The following ITGB8 variants were observed in gnomAD, a reference collection of about 807,000 sequenced individuals.
ITGB8 encodes the protein integrin subunit beta 8.
A neutral mutation model predicts 89.5 loss-of-function variants in ITGB8; 30 were observed. The observed-to-expected ratio is 0.34, with a 90% CI of 0.25 to 0.45. The LOEUF is 0.45. Among genes scored for constraint, ITGB8 ranks in the 20% least tolerant of loss-of-function variants. The probability of loss-of-function intolerance (pLI) is 1.00; values close to 1 mark genes in which losing one functional copy is unlikely to be tolerated. For missense variants in ITGB8, 836 were observed against 933.3 expected (o/e 0.90, Z 1.36); for synonymous variants, 335 against 320.4 (o/e 1.05, Z -0.49).
intron 1 of ITGB8, among the ~76,000 whole-genome samples, chr7:20,338,419 G>C (rs1034078199): frequency 6.6e-6 from 1 of 152,074 alleles, no homozygotes; most frequent in African/African-American, 2.4e-5. Flanking sequence ...TTGATGTCAG[G>C]AGTTCGAGAC....
chr7:20,351,152 T>C (rs1487964636), intron 1 of ITGB8, among the ~76,000 whole-genome samples: 1 of 152,260 alleles, frequency 6.6e-6, no homozygotes, highest in Admixed American at 6.5e-5. Context: ...AATGACATAC[T>C]ACTTGTATTA....
Position 20,412,086 on chromosome 7 carries a change from T to A in ITGB8, c.*2089T>A, listed in dbSNP as rs905529728. Reference sequence around the variant, plus strand: ...GCACTTGAGTTAAAGTACTAGATACTGCATTTTGATGAAGACTAACCCCAT... The same window carrying A: ...GCACTTGAGTTAAAGTACTAGATACAGCATTTTGATGAAGACTAACCCCAT... On this transcript the variant is annotated 3_prime_UTR_variant, in exon 14 of 14. Transcript: ENST00000222573. The A allele has an allele frequency of 6.6e-6, 1 of 152,624 alleles. No individual in the cohort carries two copies. Among genetic ancestry groups the A allele is most frequent in the African/African-American group, 2.4e-5 (1 of 41,444 alleles). The allele number at this position is 152,624 out of a possible 1,614,324, so 9.5% of individuals were successfully genotyped here. A position where few individuals can be genotyped will look rare whatever the true frequency, so the allele number is the denominator to read the frequency against.
intron 1 of ITGB8, among the ~76,000 whole-genome samples, chr7:20,338,737 T>C (rs1373811620): frequency 1.3e-5 from 2 of 152,194 alleles, no homozygotes. Context: ...CTACCTCATG[T>C]CAAAGTGTTT....
At position 20,394,924 on chromosome 7, in the gene ITGB8, T is replaced by C. The variant is rs770376138; in HGVS notation, c.1085T>C (p.Ile362Thr). 8 of 1,613,248 alleles carry C rather than the reference T, an allele frequency of 5.0e-6. No homozygotes were observed. Among genetic ancestry groups the C allele is most frequent in the East Asian group, 2.2e-5 (1 of 44,878 alleles). Residue 362 changes from isoleucine (I) to threonine (T), a missense_variant, in exon 8 of 14, where the codon ATT (isoleucine) becomes ACT (threonine). Coordinates refer to ENST00000222573, the MANE Select transcript of ITGB8 (RefSeq NM_002214.3). ...KDLLPLLPGT[I>T]AGEIESKAAN... ...CTTCTACCCCTCTTGCCAGGCACCA[T>C]TGCTGGTGAAATAGAATCAAAGGCT... is the stretch of plus-strand genomic sequence containing the variant.
At chr7:20,374,092 T>G (rs1786038564) in intron 3 of ITGB8, among the ~76,000 whole-genome samples, 1 of 152,162 alleles carries the variant, frequency 6.6e-6, no homozygotes, top group African/African-American at 2.4e-5. Context: ...TCAAAAGGCA[T>G]GAGGATAAAG....
intron 8 of ITGB8, among the ~76,000 whole-genome samples, chr7:20,398,580 C>T (rs1037296748): frequency 6.6e-6 from 1 of 152,028 alleles, no homozygotes. Flanking sequence ...TGTTAACAGA[C>T]TGATAAATAT....
Position 20,411,810 on chromosome 7 carries a change from T to C in ITGB8, c.*1813T>C, listed in dbSNP as rs868132409. 1 of 152,200 alleles carries C rather than the reference T, an allele frequency of 6.6e-6. No individual in the cohort carries two copies. Among genetic ancestry groups the C allele is most frequent in the Non-Finnish European group, 1.5e-5 (1 of 68,018 alleles). The allele number at this position is 152,200 out of a possible 1,614,324, so 9.4% of individuals were successfully genotyped here. ...CCTACAGGGGAATTCCTTCGCACCATAGCCTGTATGAACAGTGTTCCCTGG... is the reference window on the plus strand; with the variant it reads ...CCTACAGGGGAATTCCTTCGCACCACAGCCTGTATGAACAGTGTTCCCTGG... On this transcript the variant is annotated 3_prime_UTR_variant, in exon 14 of 14. Coordinates refer to ENST00000222573, the MANE Select transcript of ITGB8 (RefSeq NM_002214.3).
intron 1 of ITGB8, among the ~76,000 whole-genome samples, chr7:20,333,978 T>C (rs768079508): frequency 1.3e-5 from 2 of 152,166 alleles, no homozygotes; most frequent in South Asian, 2.1e-4. Flanking sequence ...AATGGAAATC[T>C]TGTTTCCTTG....
chr7:20,397,231 T>C (rs1403404542), intron 8 of ITGB8, among the ~76,000 whole-genome samples: 4 of 146,050 alleles, frequency 2.7e-5, no homozygotes, highest in Non-Finnish European at 6.1e-5. Context: ...TTTCTTTCTT[T>C]TTTTTTTTTT....
At position 20,391,478 on chromosome 7, in the gene ITGB8, A is replaced by C. The variant is rs1786853667; in HGVS notation, c.1036A>C (p.Lys346Gln). The C allele has an allele frequency of 6.3e-7, 1 of 1,587,954 alleles. No homozygotes were observed. Among genetic ancestry groups the C allele is most frequent in the African/African-American group, 1.4e-5 (1 of 74,052 alleles). Residue 346 changes from lysine to glutamine, a missense_variant, in exon 7 of 14, where the codon AAA becomes CAA. This residue lies in a region of ITGB8 where 192 missense variants were observed against 267.1 expected (regional missense o/e 0.72). Transcript: ENST00000222573. ...TAATGTCATCTTTGCAGTTCAAGGA[A>C]AACAATTTCATTGGTATAAGGTATG... is the stretch of plus-strand genomic sequence containing the variant. ...NINVIFAVQG[K>Q]QFHWYKDLLP...
At chr7:20,345,955 A>G (rs1254190823) in intron 1 of ITGB8, among the ~76,000 whole-genome samples, 2 of 152,208 alleles carry the variant, frequency 1.3e-5, no homozygotes, top group South Asian at 2.1e-4. Context: ...GGAGAAAATT[A>G]TATCAAGCAA....
intron 1 of ITGB8, among the ~76,000 whole-genome samples, chr7:20,347,756 C>A (rs1784976861): frequency 1.3e-5 from 2 of 152,086 alleles, no homozygotes; most frequent in Admixed American, 1.3e-4. Flanking sequence ...GAGTTTGGAA[C>A]TGAAGGTACC....
chr7:20,399,505 T>C (rs1366895213), intron 9 of ITGB8, among the ~76,000 whole-genome samples: 1 of 151,216 alleles, frequency 6.6e-6, no homozygotes, highest in African/African-American at 2.4e-5. Flanking sequence ...ATCTAAATTA[T>C]CTAGAAGGAG....
Position 20,414,655 on chromosome 7 carries a change from G to A in ITGB8, c.*4658G>A, listed in dbSNP as rs1787872664. On this transcript the variant is annotated 3_prime_UTR_variant, in exon 14 of 14. Coordinates refer to ENST00000222573, the MANE Select transcript of ITGB8 (RefSeq NM_002214.3). ...TACTTTTTATTCTTCTTTATCATTT[G>A]TGGGTTTTTCCCCCTTGGCTCTGAT... 6.6e-6 allele frequency: 1 copy of A among 152,430 alleles called. No homozygotes were observed. The highest frequency in any genetic ancestry group is 1.5e-5 in the Non-Finnish European group (1 of 67,942). The allele number at this position is 152,430 out of a possible 1,614,324, so 9.4% of individuals were successfully genotyped here.
chr7:20,343,107 C>T (rs1337800079), intron 1 of ITGB8, among the ~76,000 whole-genome samples: 3 of 152,084 alleles, frequency 2.0e-5, no homozygotes, highest in African/African-American at 7.2e-5. Flanking sequence ...GATCTGAGGT[C>T]CCAGGAAAAG....
At chr7:20,369,703 C>T (rs1785851145) in intron 3 of ITGB8, among the ~76,000 whole-genome samples, 1 of 152,128 alleles carries the variant, frequency 6.6e-6, no homozygotes, top group South Asian at 2.1e-4. Flanking sequence ...AAATGAATTA[C>T]ACTTTAGGCA....
intron 1 of ITGB8, among the ~76,000 whole-genome samples, chr7:20,340,375 T>G (rs1784717240): frequency 6.6e-6 from 1 of 152,176 alleles, no homozygotes; most frequent in African/African-American, 2.4e-5. Flanking sequence ...AGACCGAGTT[T>G]GGAAGTGGAG....
intron 6 of ITGB8, among the ~76,000 whole-genome samples, chr7:20,389,456 T>C (rs1304509806): frequency 6.6e-6 from 1 of 152,218 alleles, no homozygotes; most frequent in East Asian, 1.9e-4. Flanking sequence ...TCAAAGTGAC[T>C]TCCTGTTTTT....
chr7:20,369,251 G>C (rs10239099), intron 3 of ITGB8, among the ~76,000 whole-genome samples: 40,382 of 151,936 alleles, frequency 0.27, 5,941 homozygotes, highest in Non-Finnish European at 0.32. Flanking sequence ...ATAATAAACA[G>C]TCTCTTAGTC....
Sources: gnomAD v4.1 joint callset for allele counts (sites outside exome capture counted in the v4.1 genomes callset) on GRCh38, gnomAD v4.1.1 for gene constraint, gnomAD v4.1.1 regional missense constraint, MANE v1.5 for transcripts, NCBI Gene and HGNC (gene_info 2026-07-23, HGNC 2026-07-21) for gene names.